TAMM41: variants seen among roughly 807,000 people sequenced by gnomAD.
TAMM41 encodes the protein TAM41 mitochondrial translocator assembly and maintenance homolog, also known as phosphatidate cytidylyltransferase, mitochondrial.
TAMM41 carries 36 observed loss-of-function variants against 44.1 expected under a neutral mutation model. The observed-to-expected ratio is 0.82, with a 90% confidence interval of 0.63 to 1.08. The LOEUF is 1.08. TAMM41 is among the 50% of genes least tolerant of loss of function. The pLI is 0.00. For synonymous variants in TAMM41, 164 were observed against 153.1 expected (o/e 1.07, Z -0.53); for missense variants, 417 against 404.3 (o/e 1.03, Z -0.27).
chr3:11,813,828 A>ATGTGTATATGTGTGTGTGTG (rs1553573032), intron 5 of TAMM41, among the ~76,000 whole-genome samples: 1 of 143,076 alleles, frequency 7.0e-6, no homozygotes, highest in Non-Finnish European at 1.5e-5. Context: ...GTACAAATAT[A>ATGTGTATATGTGTGTGTGTG]TGTGTGTGTG....
chr3:11,733,012 G>T, the TAMM41 span, among the ~76,000 whole-genome samples: 124,257 of 138,336 alleles, frequency 0.9, 55,723 homozygotes, highest in African/African-American at 0.97. Context: ...TTGTTTGTTT[G>T]TTTTGAGATG....
At chr3:11,769,590 T>A in the TAMM41 span, among the ~76,000 whole-genome samples, 1 of 152,342 alleles carries the variant, frequency 6.6e-6, no homozygotes, top group Middle Eastern at 3.4e-3. Context: ...AGAACCCGGC[T>A]GTGTTCTAAT....
chr3:11,763,365 C>G, the TAMM41 span, among the ~76,000 whole-genome samples: 29 of 152,346 alleles, frequency 1.9e-4, no homozygotes, highest in Middle Eastern at 3.4e-3. Context: ...TGGTCTTGAA[C>G]TTGTGGGCTC....
chr3:11,836,849 T>C (rs1342671267), intron 3 of TAMM41, among the ~76,000 whole-genome samples: 1 of 152,280 alleles, frequency 6.6e-6, no homozygotes, highest in Non-Finnish European at 1.5e-5. Flanking sequence ...AATTTCCAAC[T>C]GCTCAGTTAT....
At chr3:11,807,805 G>T in intron 7 of TAMM41, 28 bp downstream of exon 7, 1 of 1,536,084 alleles carries the variant, frequency 6.5e-7, no homozygotes, top group Non-Finnish European at 8.7e-7. Context: ...CAGCAGGTAT[G>T]TTACACACGG....
intron 1 of TAMM41, chr3:11,845,165 A>C (rs1477258640): frequency 5.6e-6 from 2 of 354,086 alleles, no homozygotes; most frequent in African/African-American, 2.2e-5. Context: ...ATGCTAGAAA[A>C]TTTTCCTGCA....
At chr3:11,800,664 C>A (rs1172416370) in intron 7 of TAMM41, among the ~76,000 whole-genome samples, 1 of 151,454 alleles carries the variant, frequency 6.6e-6, no homozygotes, top group Non-Finnish European at 1.5e-5. Flanking sequence ...CCCAAATTCA[C>A]AAAACAAATA....
At chr3:11,842,834 C>T (rs1234838155) in intron 2 of TAMM41, among the ~76,000 whole-genome samples, 2 of 152,220 alleles carry the variant, frequency 1.3e-5, no homozygotes, top group Non-Finnish European at 2.9e-5. Context: ...AGTGGCAGAG[C>T]TGGCACAGCA....
chr3:11,757,426 T>A, the TAMM41 span, among the ~76,000 whole-genome samples: 1 of 152,030 alleles, frequency 6.6e-6, no homozygotes, highest in African/African-American at 2.4e-5. Flanking sequence ...CGTCCAAGAA[T>A]CATGCAGCGG....
chr3:11,746,526 T>C, the TAMM41 span, among the ~76,000 whole-genome samples: 1 of 152,030 alleles, frequency 6.6e-6, no homozygotes, highest in Non-Finnish European at 1.5e-5. Flanking sequence ...AATGAAATAC[T>C]ACTGAGCAAT....
At chr3:11,813,532 A>AAAAAC (rs1375376888) in intron 5 of TAMM41, among the ~76,000 whole-genome samples, 6 of 152,286 alleles carry the variant, frequency 3.9e-5, no homozygotes, top group Admixed American at 1.3e-4. Flanking sequence ...TCCATCTCAA[A>AAAAAC]AAAACAAAAC....
the TAMM41 span, among the ~76,000 whole-genome samples, chr3:11,759,549 A>G: frequency 1.3e-5 from 2 of 149,118 alleles, no homozygotes; most frequent in African/African-American, 5.0e-5. Flanking sequence ...CAGCCCATGT[A>G]TGGATGAATG....
At chr3:11,748,445 CT>C in the TAMM41 span, among the ~76,000 whole-genome samples, 16 of 150,846 alleles carry the variant, frequency 1.1e-4, no homozygotes, top group Non-Finnish European at 2.2e-4. Flanking sequence ...CCACGTCTGG[CT>C]TTTTTTTTGT....
intron 4 of TAMM41, among the ~76,000 whole-genome samples, chr3:11,819,430 T>G (rs1172420496): frequency 6.6e-6 from 1 of 152,212 alleles, no homozygotes; most frequent in African/African-American, 2.4e-5. Context: ...ATATACTACA[T>G]ATATAAAATT....
At chr3:11,743,025 C>G in the TAMM41 span, among the ~76,000 whole-genome samples, 9 of 152,132 alleles carry the variant, frequency 5.9e-5, no homozygotes, top group African/African-American at 1.2e-4. Flanking sequence ...GTAGGCCCCC[C>G]CAACCAGACA....
chr3:11,790,650 C>A, intron 7 of TAMM41, 69 bp from the exon 8 acceptor site: 4 of 1,362,354 alleles, frequency 2.9e-6, no homozygotes, highest in Non-Finnish European at 4.2e-6. Context: ...GTTTCAGTGA[C>A]ATTCTGAGCA....
At chr3:11,723,611 AACTT>A in the TAMM41 span, among the ~76,000 whole-genome samples, 2 of 152,068 alleles carry the variant, frequency 1.3e-5, no homozygotes, top group South Asian at 4.1e-4. Flanking sequence ...ACAAAAAAAA[AACTT>A]AAGTGATGGT....
chr3:11,808,731 T>G (rs2077994665), intron 6 of TAMM41: 1 of 646,888 alleles, frequency 1.5e-6, no homozygotes, highest in Non-Finnish European at 1.9e-6. Flanking sequence ...CTCTTTTTTT[T>G]GTTTGTTTTT....
At chr3:11,794,148 ATT>A (rs746651341) in intron 7 of TAMM41, among the ~76,000 whole-genome samples, 15 of 112,082 alleles carry the variant, frequency 1.3e-4, no homozygotes, top group South Asian at 3.1e-4. Context: ...ACTTTCTTCA[ATT>A]TTTTTTTTTT....
Sources: gnomAD v4.1 joint callset for allele counts (sites outside exome capture counted in the v4.1 genomes callset) on GRCh38, gnomAD v4.1.1 for gene constraint, MANE v1.5 for transcripts, NCBI Gene and HGNC (gene_info 2026-07-23, HGNC 2026-07-21) for gene names.